Variants in EVA1A observed in about 807,000 individuals in gnomAD.
EVA1A encodes protein eva-1 homolog A.
Under a neutral mutation model 9.8 loss-of-function variants are expected in EVA1A, and 7 were observed. The ratio of observed to expected loss-of-function variants is 0.71; its 90% CI spans 0.41 to 1.34. The LOEUF (loss-of-function observed/expected upper bound fraction) is 1.34, where lower values mean the gene tolerates loss of function less well. Ranked by LOEUF, EVA1A falls within the 40% of genes most tolerant of loss-of-function variation. EVA1A has a pLI of 0.01. For synonymous variants in EVA1A, 90 were observed against 85.6 expected, an observed-to-expected ratio of 1.05 and a Z score of -0.28; for missense variants, 206 against 205.9, an observed-to-expected ratio of 1.00 and a Z score of 0.00.
chr2:75,543,369 C>T (rs971770671), intron 1 of EVA1A, among the ~76,000 whole-genome samples: 4 of 152,096 alleles, frequency 2.6e-5, no homozygotes, highest in African/African-American at 7.2e-5. Context: ...AAGGAACACA[C>T]GAATGGGAAC....
At chr2:75,508,062 C>A (rs1033836994) in intron 3 of EVA1A, among the ~76,000 whole-genome samples, 32 of 152,098 alleles carry the variant, frequency 2.1e-4, no homozygotes, top group African/African-American at 7.5e-4. Flanking sequence ...CAATCAATAC[C>A]CTTGTGATTT....
chr2:75,517,547 A>G (rs1275314781), intron 3 of EVA1A, among the ~76,000 whole-genome samples: 1 of 152,308 alleles, frequency 6.6e-6, no homozygotes, highest in African/African-American at 2.4e-5. Context: ...CAACGAAGGG[A>G]CAAATATCAG....
intron 1 of EVA1A, among the ~76,000 whole-genome samples, chr2:75,527,609 A>G (rs1201755210): frequency 6.6e-6 from 1 of 152,266 alleles, no homozygotes; most frequent in Non-Finnish European, 1.5e-5. Context: ...TATCTGGCAA[A>G]GATTTTTAAA....
At chr2:75,505,341 C>G (rs1297519420) in intron 3 of EVA1A, among the ~76,000 whole-genome samples, 1 of 152,168 alleles carries the variant, frequency 6.6e-6, no homozygotes, top group Non-Finnish European at 1.5e-5. Flanking sequence ...AGTGAGGAAT[C>G]TGAAGGCAGA....
At chr2:75,536,745 T>C (rs2103919655) in intron 1 of EVA1A, among the ~76,000 whole-genome samples, 1 of 152,148 alleles carries the variant, frequency 6.6e-6, no homozygotes, top group African/African-American at 2.4e-5. Flanking sequence ...GTACCACAAC[T>C]CATCCAATAT....
At chr2:75,500,049 C>G (rs141777146) in intron 3 of EVA1A, among the ~76,000 whole-genome samples, 1 of 152,312 alleles carries the variant, frequency 6.6e-6, no homozygotes, top group Non-Finnish European at 1.5e-5. Context: ...TTGCTTCCCC[C>G]ATTTCGCTAA....
chr2:75,548,437 C>T (rs1213824412), intron 1 of EVA1A, among the ~76,000 whole-genome samples: 2 of 152,240 alleles, frequency 1.3e-5, no homozygotes, highest in Middle Eastern at 3.4e-3. Context: ...GCCTGGCCTC[C>T]TTGCTCATTT....
rs368054795 is a variant in EVA1A at position 75,501,432 on chromosome 2, G to A, written c.86-7823C>T. Among the ~76,000 whole-genome samples, 284 of 152,240 alleles carry A rather than the reference G, an allele frequency of 1.9e-3. 6 individuals carry two copies. Among genetic ancestry groups the A allele is most frequent in the African/African-American group, 6.6e-3 (275 of 41,546 alleles). Reference sequence around the variant, plus strand: ...TGAAATAAAAATTCTACATATTGTGGAAATTCTCCCCTTAGGAAAAGAAGA... The same window carrying A: ...TGAAATAAAAATTCTACATATTGTGAAAATTCTCCCCTTAGGAAAAGAAGA... On this transcript the variant is annotated intron_variant, in intron 3 of 3. Transcript: ENST00000393913.
intron 1 of EVA1A, chr2:75,540,896 C>G (rs1007539773): frequency 6.6e-6 from 1 of 152,204 alleles, no homozygotes; most frequent in African/African-American, 2.4e-5. Context: ...TGGTTCCCTA[C>G]AACCAAGGTA....
chr2:75,523,846 C>T (rs376530521), intron 1 of EVA1A, among the ~76,000 whole-genome samples: 15 of 152,304 alleles, frequency 9.8e-5, no homozygotes, highest in East Asian at 3.9e-4. Flanking sequence ...ACTCTCCAAT[C>T]GGAACCTCTA....
At chr2:75,518,785 C>T (rs1010456574) in intron 2 of EVA1A, 19 of 985,820 alleles carry the variant, frequency 1.9e-5, no homozygotes, top group Admixed American at 6.1e-5. Flanking sequence ...CGGGAGCCTG[C>T]ACTGATGACA....
At chr2:75,515,034 G>GT (rs1674955508) in intron 3 of EVA1A, among the ~76,000 whole-genome samples, 1 of 152,164 alleles carries the variant, frequency 6.6e-6, no homozygotes, top group Admixed American at 6.5e-5. Context: ...TCGCATTGCA[G>GT]TTTCCATTTT....
intron 3 of EVA1A, among the ~76,000 whole-genome samples, chr2:75,506,075 T>C (rs1249946424): frequency 6.6e-6 from 1 of 152,212 alleles, no homozygotes; most frequent in Non-Finnish European, 1.5e-5. Flanking sequence ...TATTGCTCCA[T>C]GGTCTCCCTC....
Position 75,493,192 on chromosome 2 carries a change from C to T in EVA1A, c.*44G>A. The T allele has an allele frequency of 6.4e-7, 1 of 1,567,240 alleles. No individual in the cohort carries two copies. Among genetic ancestry groups the T allele is most frequent in the Non-Finnish European group, 8.6e-7 (1 of 1,156,714 alleles). ...TGCCCACTGTCCCTGCAGACGCTCT[C>T]CTTTCCAGGCGGCCTCCAGTGGTTT... On this transcript the variant is annotated 3_prime_UTR_variant, in exon 4 of 4. Transcript: ENST00000393913.
rs1674103746 is a variant in EVA1A, at chr2:75,493,562, C to T, written c.133G>A (p.Gly45Arg). Residue 45 changes from glycine to arginine, a missense_variant, in exon 4 of 4, where the codon GGG becomes AGG. Transcript: ENST00000393913. ...ALYFVSGVCI[G>R]LVLTLAALVI... The stretch of plus-strand genomic sequence containing the variant: ...AGAGCAGCCAGGGTCAGCACCAGCC[C>T]GATGCACACGCCAGAAACAAAGTAC... 2.5e-6 allele frequency: 4 copies of T among 1,613,338 alleles called. No individual in the cohort carries two copies. Among genetic ancestry groups the T allele is most frequent in the East Asian group, 2.2e-5 (1 of 44,872 alleles).
chr2:75,534,375 C>T (rs1391861207), intron 1 of EVA1A, among the ~76,000 whole-genome samples: 1 of 151,884 alleles, frequency 6.6e-6, no homozygotes, highest in African/African-American at 2.4e-5. Flanking sequence ...TGAAATGGCA[C>T]CAGCAGATGG....
chr2:75,546,711 C>A (rs1278988482), intron 1 of EVA1A, among the ~76,000 whole-genome samples: 1 of 152,086 alleles, frequency 6.6e-6, no homozygotes, highest in East Asian at 1.9e-4. Context: ...ATATGGGGAA[C>A]TCCTAACTTC....
At chr2:75,544,198 G>A (rs1676243211) in intron 1 of EVA1A, among the ~76,000 whole-genome samples, 1 of 152,156 alleles carries the variant, frequency 6.6e-6, no homozygotes, top group African/African-American at 2.4e-5. Flanking sequence ...ATCCATGCAA[G>A]TATTCTTATG....
chr2:75,517,946 A>C, intron 3 of EVA1A, 110 bp downstream of exon 3: 1 of 1,265,948 alleles, frequency 7.9e-7, no homozygotes, highest in Non-Finnish European at 1.1e-6. Flanking sequence ...AGTAGCTTTG[A>C]TTACGTAGTG....
Sources: allele counts gnomAD v4.1 joint callset (sites outside exome capture counted in the v4.1 genomes callset), GRCh38; gene constraint gnomAD v4.1.1; transcripts MANE v1.5; gene names NCBI Gene and HGNC (gene_info 2026-07-23, HGNC 2026-07-21).